LOC128092252: variants seen among roughly 807,000 people sequenced by gnomAD.
the LOC128092252 span, among the ~76,000 whole-genome samples, chr15:50,671,879 T>C: frequency 6.6e-6 from 1 of 152,134 alleles, no homozygotes; most frequent in Non-Finnish European, 1.5e-5. Flanking sequence ...CTTGGGTATT[T>C]GTTTTGATAT....
the LOC128092252 span, among the ~76,000 whole-genome samples, chr15:50,678,977 G>A: frequency 1.3e-5 from 2 of 152,152 alleles, no homozygotes; most frequent in African/African-American, 4.8e-5. Context: ...GGGTTCAAGA[G>A]ATTCACCTGC....
the LOC128092252 span, among the ~76,000 whole-genome samples, chr15:50,670,146 G>A: frequency 6.6e-6 from 1 of 152,212 alleles, no homozygotes; most frequent in African/African-American, 2.4e-5. Context: ...AGTTAGGCAG[G>A]AATATCATCA....
chr15:50,649,780 C>T, the LOC128092252 span, among the ~76,000 whole-genome samples: 6 of 152,056 alleles, frequency 3.9e-5, no homozygotes, highest in Non-Finnish European at 8.8e-5. Context: ...TCTTAAAAAT[C>T]AGATGAGAGT....
At chr15:50,671,391 T>C in the LOC128092252 span, among the ~76,000 whole-genome samples, 1 of 152,170 alleles carries the variant, frequency 6.6e-6, no homozygotes, top group African/African-American at 2.4e-5. Context: ...AGAATTTCCT[T>C]CTTTAAGATT....
the LOC128092252 span, among the ~76,000 whole-genome samples, chr15:50,680,712 A>T: frequency 6.6e-6 from 1 of 152,202 alleles, no homozygotes; most frequent in Non-Finnish European, 1.5e-5. Context: ...TTTTTAAGTT[A>T]TAACTTTTTT....
the LOC128092252 span, among the ~76,000 whole-genome samples, chr15:50,681,954 G>C: frequency 6.6e-6 from 1 of 152,088 alleles, no homozygotes; most frequent in Non-Finnish European, 1.5e-5. Context: ...GGCTGAGGTG[G>C]ATCACTTGAG....
the LOC128092252 span, among the ~76,000 whole-genome samples, chr15:50,664,668 C>T: frequency 6.6e-6 from 1 of 152,114 alleles, no homozygotes; most frequent in Non-Finnish European, 1.5e-5. Context: ...GTCAATCAAA[C>T]AAAACCTAAC....
the LOC128092252 span, among the ~76,000 whole-genome samples, chr15:50,668,392 T>C: frequency 6.8e-4 from 103 of 152,380 alleles, no homozygotes; most frequent in Non-Finnish European, 1.2e-3. Context: ...CTATTAACAA[T>C]TGAGTAAAGT....
At chr15:50,675,469 C>T in the LOC128092252 span, among the ~76,000 whole-genome samples, 2 of 152,180 alleles carry the variant, frequency 1.3e-5, no homozygotes, top group Admixed American at 6.5e-5. Flanking sequence ...TCTTCCCACA[C>T]GTAGCATTCT....
At chr15:50,655,251 A>C in the LOC128092252 span, among the ~76,000 whole-genome samples, 1 of 151,696 alleles carries the variant, frequency 6.6e-6, no homozygotes, top group Admixed American at 6.6e-5. Flanking sequence ...CTGACCATCA[A>C]GGTAAAATCC....
chr15:50,655,063 T>C, the LOC128092252 span, among the ~76,000 whole-genome samples: 2 of 90,314 alleles, frequency 2.2e-5, no homozygotes, highest in South Asian at 3.5e-4. Context: ...ATGGAGAATG[T>C]AGAAATAAGA....
chr15:50,671,580 G>C, the LOC128092252 span, among the ~76,000 whole-genome samples: 1 of 152,246 alleles, frequency 6.6e-6, no homozygotes, highest in South Asian at 2.1e-4. Flanking sequence ...AGGAGGAGAT[G>C]AGAGGACTGC....
At chr15:50,685,156 T>C in the LOC128092252 span, among the ~76,000 whole-genome samples, 1 of 152,220 alleles carries the variant, frequency 6.6e-6, no homozygotes, top group Admixed American at 6.5e-5. Flanking sequence ...CAATGTATCT[T>C]TGCAAGTTTG....
chr15:50,663,854 T>C, the LOC128092252 span, among the ~76,000 whole-genome samples: 1 of 152,034 alleles, frequency 6.6e-6, no homozygotes, highest in African/African-American at 2.4e-5. Flanking sequence ...TCCCAGCTAC[T>C]TGGAAGTCTG....
the LOC128092252 span, among the ~76,000 whole-genome samples, chr15:50,667,212 T>C: frequency 6.6e-6 from 1 of 152,162 alleles, no homozygotes; most frequent in African/African-American, 2.4e-5. Flanking sequence ...CTTGGCCCCC[T>C]AGAAGCTGTG....
At chr15:50,654,481 A>C in the LOC128092252 span, among the ~76,000 whole-genome samples, 1 of 151,156 alleles carries the variant, frequency 6.6e-6, no homozygotes, top group African/African-American at 2.4e-5. Context: ...TATAAAAAAG[A>C]TGAAGGAAAA....
the LOC128092252 span, among the ~76,000 whole-genome samples, chr15:50,679,988 C>G: frequency 6.6e-6 from 1 of 150,834 alleles, no homozygotes; most frequent in South Asian, 2.1e-4. Context: ...AATCCCAGCA[C>G]TTTGGGGGGC....
chr15:50,667,106 T>C, the LOC128092252 span, among the ~76,000 whole-genome samples: 3 of 151,934 alleles, frequency 2.0e-5, no homozygotes, highest in Admixed American at 1.3e-4. Flanking sequence ...CCAAAGGAAA[T>C]AGACTGCAGC....
chr15:50,661,449 G>GTT, the LOC128092252 span, among the ~76,000 whole-genome samples: 1 of 152,102 alleles, frequency 6.6e-6, no homozygotes, highest in Non-Finnish European at 1.5e-5. Context: ...TCTACGTATT[G>GTT]CTTCAACTTT....
Sources: allele counts gnomAD v4.1 joint callset (sites outside exome capture counted in the v4.1 genomes callset), GRCh38; gene constraint gnomAD v4.1.1; transcripts MANE v1.5.